The following GNA14 variants were observed in gnomAD, a reference collection of about 807,000 sequenced individuals.
The protein encoded by GNA14 is guanine nucleotide-binding protein subunit alpha-14.
In GNA14, 50 loss-of-function variants were observed where a neutral mutation model predicts 42.0. The ratio of observed to expected loss-of-function variants is 1.19; its 90% CI spans 0.95 to 1.51. GNA14 has a LOEUF of 1.51. GNA14 is among the 40% of genes most tolerant of loss of function. The pLI, the probability that GNA14 is intolerant of heterozygous loss-of-function variation, is 0.00. For synonymous variants in GNA14, 173 were observed against 163.1 expected (o/e 1.06, Z -0.46); for missense variants, 473 against 446.2 (o/e 1.06, Z -0.54).
At chr9:77,495,627 A>C (rs1368288309) in intron 2 of GNA14, among the ~76,000 whole-genome samples, 1 of 152,212 alleles carries the variant, frequency 6.6e-6, no homozygotes, top group Non-Finnish European at 1.5e-5. Flanking sequence ...AAATTGAGTG[A>C]TAGGTACAAA....
In GNA14 at chr9:77,588,230, A is replaced by G. The variant is rs1253629939; in HGVS notation, c.125-58977T>C. ...AGTTTTCAGGGATTCAGAGGGGGACATCTTTGGGGGGCTATCACTCCATCC... is the reference window on the plus strand; with the variant it reads ...AGTTTTCAGGGATTCAGAGGGGGACGTCTTTGGGGGGCTATCACTCCATCC... On this transcript the variant is annotated intron_variant, in intron 1 of 6. Coordinates refer to ENST00000341700, the MANE Select transcript of GNA14 (RefSeq NM_004297.4). Among the ~76,000 whole-genome samples, 7 of 152,130 alleles carry G rather than the reference A, an allele frequency of 4.6e-5. No homozygotes were observed. The East Asian group carries it at 1.2e-3, about 25-fold the overall frequency.
At chr9:77,494,991 G>C (rs981157524) in intron 2 of GNA14, among the ~76,000 whole-genome samples, 2 of 151,982 alleles carry the variant, frequency 1.3e-5, no homozygotes, top group South Asian at 2.1e-4. Flanking sequence ...GTGAAGACAG[G>C]GTTTTGCCAT....
chr9:77,482,098 T>G (rs1836564432), intron 2 of GNA14, among the ~76,000 whole-genome samples: 1 of 152,190 alleles, frequency 6.6e-6, no homozygotes, highest in Admixed American at 6.5e-5. Context: ...CATTATGATG[T>G]TAGTTGGTTA....
intron 1 of GNA14, among the ~76,000 whole-genome samples, chr9:77,608,730 C>CTTTTTTTT (rs1346046522): frequency 4.0e-5 from 2 of 49,540 alleles, no homozygotes; most frequent in African/African-American, 1.5e-4. Context: ...GCCCAATATC[C>CTTTTTTTT]TGTTTTTTTT....
chr9:77,472,788 ATCTCTCTCTCTCTCTC>A (rs34429720), intron 2 of GNA14, among the ~76,000 whole-genome samples: 1 of 142,018 alleles, frequency 7.0e-6, no homozygotes, highest in South Asian at 2.4e-4. Flanking sequence ...ACATGACATG[ATCTCTCTCTCTCTCTC>A]TCTCTCTCTC....
chr9:77,567,037 T>C (rs1822979105), intron 1 of GNA14, among the ~76,000 whole-genome samples: 1 of 151,766 alleles, frequency 6.6e-6, no homozygotes, highest in Non-Finnish European at 1.5e-5. Context: ...ACAAGTCATG[T>C]GCCTGGGCCC....
At chr9:77,601,781 G>A (rs1452971564) in intron 1 of GNA14, among the ~76,000 whole-genome samples, 1 of 152,202 alleles carries the variant, frequency 6.6e-6, no homozygotes, top group Non-Finnish European at 1.5e-5. Context: ...GAAGCCCACT[G>A]GTGCCGGGCT....
intron 1 of GNA14, among the ~76,000 whole-genome samples, chr9:77,549,065 G>A (rs969483534): frequency 6.6e-6 from 1 of 152,078 alleles, no homozygotes; most frequent in African/African-American, 2.4e-5. Flanking sequence ...CTCCCGAGTA[G>A]CTGGGATTAC....
rs370098223 is a variant in GNA14 at position 77,488,554 on chromosome 9, A to G, written c.309+40515T>C. On this transcript the variant is annotated intron_variant, in intron 2 of 6. Coordinates refer to ENST00000341700, the MANE Select transcript of GNA14 (RefSeq NM_004297.4). ...TCAGCAGCATCACTCTGTAGGAGGT[A>G]CATTCCACAGGTCCTCTGGGCACAA... Among the ~76,000 whole-genome samples, 4 of 152,262 alleles carry G rather than the reference A, an allele frequency of 2.6e-5. No individual in the cohort carries two copies. The East Asian group carries it at 7.7e-4, about 29-fold the overall frequency.
intron 1 of GNA14, among the ~76,000 whole-genome samples, chr9:77,587,756 T>G (rs1365672282): frequency 6.6e-6 from 1 of 152,198 alleles, no homozygotes; most frequent in African/African-American, 2.4e-5. Context: ...CTGAATTGTT[T>G]GCTTTAAAAT....
intron 2 of GNA14, among the ~76,000 whole-genome samples, chr9:77,448,377 C>A (rs1228300626): frequency 6.6e-6 from 1 of 152,068 alleles, no homozygotes. Flanking sequence ...ATTTTCAGGT[C>A]GGTGTTCGAT....
At chr9:77,510,552 A>G in intron 2 of GNA14, among the ~76,000 whole-genome samples, 1 of 152,168 alleles carries the variant, frequency 6.6e-6, no homozygotes, top group East Asian at 1.9e-4. Flanking sequence ...CTATTTCAAT[A>G]TTAAGGAAGA....
At position 77,529,206 on chromosome 9, in the gene GNA14, T is replaced by C. The variant is rs1375603992; in HGVS notation, c.172A>G (p.Ile58Val). The change falls in exon 2 of 7, where the codon ATC (isoleucine) becomes GTC (valine). Residue 58 changes from isoleucine (I) to valine (V), a missense_variant. Transcript: ENST00000341700. ...KSTFIKQMRI[I>V]HGSGYSDEDR... ...TCGTCGCTGTAACCAGACCCATGGA[T>C]AATTCTCATCTGCTTGATAAAGGTG... 1.9e-6 allele frequency: 3 copies of C among 1,614,102 alleles called. No homozygotes were observed. The highest frequency in any genetic ancestry group is 2.5e-6 in the Non-Finnish European group (3 of 1,179,982).
intron 1 of GNA14, among the ~76,000 whole-genome samples, chr9:77,646,000 T>C (rs1824345203): frequency 6.6e-6 from 1 of 151,942 alleles, no homozygotes; most frequent in African/African-American, 2.4e-5. Flanking sequence ...AATTCTCACG[T>C]ATTCCTCCTC....
At chr9:77,560,871 T>A (rs1822872981) in intron 1 of GNA14, among the ~76,000 whole-genome samples, 11 of 152,208 alleles carry the variant, frequency 7.2e-5, no homozygotes. Flanking sequence ...GAGTCCTTTA[T>A]ATTTTCATCC....
intron 2 of GNA14, among the ~76,000 whole-genome samples, chr9:77,458,860 G>A (rs1286036131): frequency 7.0e-6 from 1 of 142,472 alleles, no homozygotes; most frequent in Non-Finnish European, 1.5e-5. Flanking sequence ...GTTCCACAAA[G>A]TCCACCTCTC....
intron 2 of GNA14, among the ~76,000 whole-genome samples, chr9:77,446,442 T>C (rs1835818936): frequency 6.6e-6 from 1 of 152,246 alleles, no homozygotes; most frequent in Admixed American, 6.5e-5. Flanking sequence ...GCTTTCTTCC[T>C]GGGCTCGCGA....
intron 2 of GNA14, among the ~76,000 whole-genome samples, chr9:77,452,357 G>A (rs1376229217): frequency 2.0e-5 from 3 of 152,062 alleles, no homozygotes; most frequent in Non-Finnish European, 4.4e-5. Flanking sequence ...TGGTATCTAT[G>A]GATGATTTTC....
At chr9:77,569,308 C>T (rs967238606) in intron 1 of GNA14, among the ~76,000 whole-genome samples, 1 of 152,072 alleles carries the variant, frequency 6.6e-6, no homozygotes, top group African/African-American at 2.4e-5. Flanking sequence ...GGGATGCAGT[C>T]CTATTAGCAC....
Sources: allele counts gnomAD v4.1 joint callset (sites outside exome capture counted in the v4.1 genomes callset), GRCh38; gene constraint gnomAD v4.1.1; transcripts MANE v1.5; gene names NCBI Gene and HGNC (gene_info 2026-07-23, HGNC 2026-07-21).